Variants in WAC observed in about 807,000 individuals in gnomAD.
WAC encodes WW domain-containing adapter protein with coiled-coil.
In WAC, 11 loss-of-function variants were observed where a neutral mutation model predicts 79.6. The observed-to-expected ratio is 0.14, with a 90% CI of 0.09 to 0.23. The LOEUF (loss-of-function observed/expected upper bound fraction) is 0.23, where lower values mean the gene tolerates loss of function less well. Among genes scored for constraint, WAC ranks in the 10% least tolerant of loss-of-function variants. The pLI is 1.00. For missense variants in WAC, 728 were observed against 773.5 expected, an observed-to-expected ratio of 0.94 and a Z score of 0.70; for synonymous variants, 304 against 276.9, an observed-to-expected ratio of 1.10 and a Z score of -0.97.
At chr10:28,555,670 T>A (rs948087310) in intron 3 of WAC, among the ~76,000 whole-genome samples, 2 of 152,206 alleles carry the variant, frequency 1.3e-5, no homozygotes, top group African/African-American at 4.8e-5. Flanking sequence ...TTTTTATTTC[T>A]TGGAAACTTA....
chr10:28,536,924 G>A (rs1167244330), intron 3 of WAC, among the ~76,000 whole-genome samples: 1 of 152,038 alleles, frequency 6.6e-6, no homozygotes, highest in African/African-American at 2.4e-5. Context: ...GTGACTTTTT[G>A]CCCCTATTGG....
intron 3 of WAC, among the ~76,000 whole-genome samples, chr10:28,577,325 GT>G (rs373844696): frequency 6.6e-6 from 1 of 151,608 alleles, no homozygotes; most frequent in East Asian, 1.9e-4. Flanking sequence ...TATCCTAATG[GT>G]TTTTTTTGCA....
intron 3 of WAC, among the ~76,000 whole-genome samples, chr10:28,570,233 G>A (rs1838871676): frequency 6.6e-6 from 1 of 152,188 alleles, no homozygotes; most frequent in Non-Finnish European, 1.5e-5. Context: ...AGATAATAGA[G>A]TGGAGGCTAG....
At chr10:28,608,461 T>A in intron 8 of WAC, 30 bp downstream of exon 8, 2 of 1,540,582 alleles carry the variant, frequency 1.3e-6, no homozygotes, top group Non-Finnish European at 1.8e-6. Context: ...TTTTAAAAAT[T>A]TATTTGCATT....
At chr10:28,545,115 C>A (rs1304006214) in intron 3 of WAC, among the ~76,000 whole-genome samples, 2 of 151,792 alleles carry the variant, frequency 1.3e-5, no homozygotes, top group Admixed American at 1.3e-4. Context: ...ATTAGGCTCC[C>A]CTGAGAAGCT....
intron 7 of WAC, among the ~76,000 whole-genome samples, chr10:28,599,109 T>C (rs1840516069): frequency 6.6e-6 from 1 of 152,210 alleles, no homozygotes; most frequent in Non-Finnish European, 1.5e-5. Context: ...AACGGAGACA[T>C]CCATGTTATT....
chr10:28,548,713 C>T (rs1042808320), intron 3 of WAC, among the ~76,000 whole-genome samples: 4 of 152,100 alleles, frequency 2.6e-5, no homozygotes, highest in African/African-American at 4.8e-5. Context: ...GCTTGCTGTT[C>T]ATAGTTGTCT....
intron 3 of WAC, among the ~76,000 whole-genome samples, chr10:28,537,379 C>T (rs925657972): frequency 2.6e-5 from 4 of 152,174 alleles, no homozygotes; most frequent in African/African-American, 9.7e-5. Context: ...TCTTGGAGAG[C>T]AGGTACTGGT....
At chr10:28,607,432 T>G (rs977838022) in intron 7 of WAC, among the ~76,000 whole-genome samples, 1 of 152,188 alleles carries the variant, frequency 6.6e-6, no homozygotes, top group African/African-American at 2.4e-5. Flanking sequence ...TTGATTACAG[T>G]TACATTAAAT....
chr10:28,595,715 TCGA>T lies in WAC; in HGVS notation c.611-17_611-15del. 6.2e-7 allele frequency: 1 copy of T among 1,602,908 alleles called. No individual in the cohort carries two copies. The highest frequency in any genetic ancestry group is 1.1e-5 in the South Asian group (1 of 90,382). On this transcript the variant is annotated splice_polypyrimidine_tract_variant and intron_variant, in intron 6 of 13. Transcript: ENST00000354911. ...TTCTGTCATTCCAACATCTGTTTTT[TCGA>T]ACTGTGAACTAAAGTGGAAGACAAG... is the stretch of plus-strand genomic sequence containing the variant.
chr10:28,610,099 T>C (rs1841159207), intron 8 of WAC, among the ~76,000 whole-genome samples: 1 of 151,814 alleles, frequency 6.6e-6, no homozygotes. Flanking sequence ...GCCCAGCTAA[T>C]TTTTTGTATT....
intron 1 of WAC, 22 bp downstream of exon 1, chr10:28,533,642 G>T (rs201638284): frequency 6.2e-7 from 1 of 1,601,028 alleles, no homozygotes; most frequent in East Asian, 2.3e-5. Flanking sequence ...TTTCGTTTCG[G>T]GCCGGGCGGC....
intron 13 of WAC, among the ~76,000 whole-genome samples, chr10:28,618,959 G>A (rs1841589599): frequency 6.6e-6 from 1 of 152,178 alleles, no homozygotes; most frequent in Non-Finnish European, 1.5e-5. Flanking sequence ...ATTTTAAGTT[G>A]TTAGAGCCAA....
intron 3 of WAC, among the ~76,000 whole-genome samples, chr10:28,566,982 G>C (rs1339509928): frequency 1.4e-5 from 2 of 138,658 alleles, no homozygotes; most frequent in African/African-American, 5.3e-5. Context: ...CTTCAGTTTT[G>C]CATATATTGG....
intron 7 of WAC, among the ~76,000 whole-genome samples, chr10:28,604,395 C>A (rs746510659): frequency 2.0e-5 from 3 of 152,004 alleles, no homozygotes; most frequent in Non-Finnish European, 4.4e-5. Context: ...TATGTTGATG[C>A]CATTTTGGTG....
chr10:28,601,390 A>T lies in WAC; in HGVS notation c.919+5349A>T, dbSNP rs192489146. ...CCACTTAATACCCATTAGGATGACT[A>T]TTATAATTAAAAAATGGAAATAGGT... is the stretch of plus-strand genomic sequence containing the variant. On this transcript the variant is annotated intron_variant, in intron 7 of 13. Transcript: ENST00000354911. Among the ~76,000 whole-genome samples the T allele has an allele frequency of 5.7e-3, 862 of 152,282 alleles. 7 individuals carry two copies. The highest frequency in any genetic ancestry group is 0.024 in the Middle Eastern group (7 of 294).
At chr10:28,534,656 C>T (rs1166281420) in intron 2 of WAC, among the ~76,000 whole-genome samples, 1 of 152,138 alleles carries the variant, frequency 6.6e-6, no homozygotes, top group Non-Finnish European at 1.5e-5. Flanking sequence ...GTGTGAAGTT[C>T]TAAGGATTAT....
At chr10:28,558,402 G>C (rs1413351912) in intron 3 of WAC, among the ~76,000 whole-genome samples, 3 of 152,078 alleles carry the variant, frequency 2.0e-5, no homozygotes, top group African/African-American at 7.3e-5. Context: ...CTTAATGTTT[G>C]AGCAGTTGCC....
chr10:28,589,586 T>C, intron 4 of WAC, 150 bp from the exon 5 acceptor site: 1 of 418,716 alleles, frequency 2.4e-6, no homozygotes. Flanking sequence ...TAAACTAAGG[T>C]CTTATAAATA....
Sources: gnomAD v4.1 joint callset for allele counts (sites outside exome capture counted in the v4.1 genomes callset) on GRCh38, gnomAD v4.1.1 for gene constraint, MANE v1.5 for transcripts, NCBI Gene and HGNC (gene_info 2026-07-23, HGNC 2026-07-21) for gene names.